The following RRAGB variants were observed in gnomAD, a reference collection of about 807,000 sequenced individuals.
RRAGB encodes the protein ras-related GTP-binding protein B.
RRAGB carries 6 observed loss-of-function variants against 29.3 expected under a neutral mutation model. That is an observed-to-expected ratio of 0.21 (90% CI 0.11 to 0.40). RRAGB has a LOEUF of 0.40. RRAGB is among the 10% of genes least tolerant of loss of function. The probability of loss-of-function intolerance (pLI) is 1.00; values close to 1 mark genes in which losing one functional copy is unlikely to be tolerated. For synonymous variants in RRAGB, 101 were observed against 92.5 expected (o/e 1.09, Z -0.53); for missense variants, 184 against 272.9 (o/e 0.67, Z 2.29).
intron 5 of RRAGB, among the ~76,000 whole-genome samples, chrX:55,741,785 T>C (rs1368740430): frequency 8.9e-6 from 1 of 112,157 alleles, no homozygotes; most frequent in African/African-American, 3.2e-5. Flanking sequence ...GTTTAAATGT[T>C]AATCTCATCT....
At chrX:55,753,981 G>T (rs751123749) in intron 7 of RRAGB, among the ~76,000 whole-genome samples, 2 of 111,978 alleles carry the variant, frequency 1.8e-5, no homozygotes, top group Non-Finnish European at 3.8e-5. Flanking sequence ...GGAGGCGGAG[G>T]TTGGGGTGAG....
chrX:55,718,544 A>T, intron 1 of RRAGB, 125 bp downstream of exon 1: 1 of 449,681 alleles, frequency 2.2e-6, no homozygotes, highest in East Asian at 3.9e-5. Context: ...AGTAATGTTG[A>T]TTGGGATTAT....
At chrX:55,751,329 G>T in intron 6 of RRAGB, 133 bp downstream of exon 6, 1 of 397,287 alleles carries the variant, frequency 2.5e-6, no homozygotes, top group Non-Finnish European at 4.3e-6. Flanking sequence ...AAAATAATCT[G>T]CAACAAATTG....
At chrX:55,736,601 C>T (rs1049534405) in intron 5 of RRAGB, among the ~76,000 whole-genome samples, 1 of 111,797 alleles carries the variant, frequency 8.9e-6, no homozygotes, top group Non-Finnish European at 1.9e-5. Flanking sequence ...TCTGGGTGGA[C>T]AATTTCGTCT....
In RRAGB at chrX:55,755,043, A is replaced by G. The variant is rs2034624449; in HGVS notation, c.736-798A>G. 1.1e-5 allele frequency: 8 copies of G among 732,099 alleles called. No homozygotes were observed. In the African/African-American group the frequency reaches 1.4e-4, roughly 13 times the overall value. 60.3% of individuals were successfully genotyped at this position (732,099 alleles called of 1,213,427 possible). On this transcript the variant is annotated intron_variant, in intron 7 of 9. Coordinates refer to ENST00000374941, the MANE Select transcript of RRAGB (RefSeq NM_006064.5). The stretch of plus-strand genomic sequence containing the variant: ...AGCTCCCTGTTCCTTACTAATAGTA[A>G]CAGGTAGTTTTTGTTTCTCTTGAGA...
At chrX:55,720,271 G>A (rs1472584708) in intron 2 of RRAGB, among the ~76,000 whole-genome samples, 1 of 111,948 alleles carries the variant, frequency 8.9e-6, no homozygotes, top group Non-Finnish European at 1.9e-5. Flanking sequence ...ATTCTGCATT[G>A]TATACATATA....
At chrX:55,730,065 C>T (rs1237428818) in intron 4 of RRAGB, among the ~76,000 whole-genome samples, 1 of 111,829 alleles carries the variant, frequency 8.9e-6, no homozygotes, top group African/African-American at 3.3e-5. Context: ...GCAATGGTAC[C>T]AGCTCATAGG....
intron 5 of RRAGB, among the ~76,000 whole-genome samples, chrX:55,750,522 A>C (rs777111970): frequency 2.7e-5 from 3 of 111,721 alleles, no homozygotes; most frequent in Admixed American, 1.9e-4. Flanking sequence ...CTTAACTAAA[A>C]AAATGCCTTT....
At chrX:55,742,526 G>A (rs1481799634) in intron 5 of RRAGB, among the ~76,000 whole-genome samples, 1 of 112,256 alleles carries the variant, frequency 8.9e-6, no homozygotes, top group Non-Finnish European at 1.9e-5. Flanking sequence ...ATAGTAGTCA[G>A]GATCAGTCAG....
chrX:55,734,065 G>A (rs1350421711), intron 5 of RRAGB, among the ~76,000 whole-genome samples: 1 of 108,988 alleles, frequency 9.2e-6, no homozygotes, highest in East Asian at 2.9e-4. Context: ...CCAGGTTCAC[G>A]CCATTCTCCT....
At chrX:55,744,189 G>T (rs2098973748) in intron 5 of RRAGB, among the ~76,000 whole-genome samples, 1 of 108,621 alleles carries the variant, frequency 9.2e-6, no homozygotes, top group African/African-American at 3.3e-5. Flanking sequence ...AGAAATTCAA[G>T]ACCAGCCTGG....
chrX:55,746,113 A>G (rs1401328172), intron 5 of RRAGB, among the ~76,000 whole-genome samples: 1 of 111,403 alleles, frequency 9.0e-6, no homozygotes, highest in Non-Finnish European at 1.9e-5. Flanking sequence ...TCCTTCCTCA[A>G]GGGGACCCAG....
In RRAGB at chrX:55,757,314, T is replaced by C. The variant is rs917460357; in HGVS notation, c.926T>C (p.Met309Thr). 4 of 1,161,599 alleles carry C rather than the reference T, an allele frequency of 3.4e-6. No individual in the cohort carries two copies. Among genetic ancestry groups the C allele is most frequent in the Non-Finnish European group, 4.7e-6 (4 of 856,748 alleles). ...TCCAACACTTATGTGATGGTTGTGA[T>C]GTCTGATCCGTCCATTCGTAAGTTT... ...FTSNTYVMVV[M>T]SDPSIPSAAT... Residue 309 changes from methionine (M) to threonine (T), a missense_variant, in exon 9 of 10, where the codon ATG becomes ACG. By Grantham distance (81) the Met-to-Thr change is moderately conservative (BLOSUM62 -1). Coordinates refer to ENST00000374941, the MANE Select transcript of RRAGB (RefSeq NM_006064.5).
intron 8 of RRAGB, 24 bp downstream of exon 8, chrX:55,755,956 C>T (rs896032221): frequency 1.9e-6 from 2 of 1,027,120 alleles, no homozygotes; most frequent in Non-Finnish European, 2.7e-6. Flanking sequence ...TAGGAATGAT[C>T]TGTTTATCTC....
At chrX:55,740,343 G>A (rs1051943404) in intron 5 of RRAGB, among the ~76,000 whole-genome samples, 1 of 110,541 alleles carries the variant, frequency 9.0e-6, no homozygotes, top group Non-Finnish European at 1.9e-5. Flanking sequence ...AAATCATTGT[G>A]ATTTTGAACC....
At chrX:55,755,633 A>G in intron 7 of RRAGB, 1 of 749,994 alleles carries the variant, frequency 1.3e-6, no homozygotes, top group Non-Finnish European at 1.6e-6. Context: ...TTATAACCAA[A>G]TGGTACTAGA....
chrX:55,750,186 G>A (rs1259610998), intron 5 of RRAGB, among the ~76,000 whole-genome samples: 1 of 7,587 alleles, frequency 1.3e-4, no homozygotes, highest in African/African-American at 1.6e-4. Context: ...ACATACGTAT[G>A]TGTGTGTGTG....
intron 5 of RRAGB, among the ~76,000 whole-genome samples, chrX:55,742,103 T>G (rs2034096675): frequency 8.9e-6 from 1 of 112,353 alleles, no homozygotes; most frequent in Non-Finnish European, 1.9e-5. Context: ...TAACAATACT[T>G]AAATATTATG....
chrX:55,744,183 A>G (rs1168680622), intron 5 of RRAGB, among the ~76,000 whole-genome samples: 2 of 108,672 alleles, frequency 1.8e-5, no homozygotes, highest in Non-Finnish European at 3.8e-5. Context: ...GAGGTCAGAA[A>G]TTCAAGACCA....
Sources: allele counts gnomAD v4.1 joint callset (sites outside exome capture counted in the v4.1 genomes callset), GRCh38; gene constraint gnomAD v4.1.1; transcripts MANE v1.5; gene names NCBI Gene and HGNC (gene_info 2026-07-23, HGNC 2026-07-21).